Variants in BRSK1 observed in about 807,000 individuals in gnomAD.
The protein encoded by BRSK1 is BR serine/threonine kinase 1, also known as serine/threonine-protein kinase BRSK1.
BRSK1 carries 17 observed loss-of-function variants against 86.2 expected under a neutral mutation model. The observed-to-expected ratio is 0.20, with a 90% CI of 0.14 to 0.30. The LOEUF (loss-of-function observed/expected upper bound fraction) is 0.30. BRSK1 is among the 10% of genes least tolerant of loss of function. The pLI is 1.00. For synonymous variants in BRSK1, 464 were observed against 440.1 expected, an observed-to-expected ratio of 1.05 and a Z score of -0.68; for missense variants, 719 against 1,071.9, an observed-to-expected ratio of 0.67 and a Z score of 4.60.
In BRSK1 at chr19:55,298,209, C is replaced by CTTTTTTTTTTTTTTTTTTT. The variant is rs71181751; in HGVS notation, c.679-3295_679-3277dup. On this transcript the variant is annotated intron_variant, in intron 7 of 18. Coordinates refer to ENST00000309383, the MANE Select transcript of BRSK1 (RefSeq NM_032430.2). ...GTTTATTCTTTTTTTTTTGTTTCTT[C>CTTTTTTTTTTTTTTTTTTT]TTTTTTTTTTTTTTTTTTTTTTTTT... Among the ~76,000 whole-genome samples the CTTTTTTTTTTTTTTTTTTT allele has an allele frequency of 3.6e-4, 25 of 69,640 alleles. 1 individual carries two copies. The highest frequency in any genetic ancestry group is 9.4e-4 in the East Asian group (2 of 2,130). The allele number at this position is 69,640 out of a possible 152,430, so 45.7% of individuals were successfully genotyped here.
At chr19:55,292,467 G>A (rs1307508409) in intron 4 of BRSK1, among the ~76,000 whole-genome samples, 1 of 152,184 alleles carries the variant, frequency 6.6e-6, no homozygotes, top group Non-Finnish European at 1.5e-5. Context: ...CATGGATGAA[G>A]CTGGGCGATG....
At chr19:55,295,649 C>G (rs1226330792) in intron 7 of BRSK1, among the ~76,000 whole-genome samples, 1 of 152,140 alleles carries the variant, frequency 6.6e-6, no homozygotes, top group Admixed American at 6.6e-5. Flanking sequence ...CCAGCTGATT[C>G]TAGGGCATTG....
At position 55,302,230 on chromosome 19, in the gene BRSK1, T is replaced by G. The variant is rs1426653542; in HGVS notation, c.857+62T>G. ...GGAAATAGGGGAGGGGCCAAAGCAG[T>G]AGAAGCGGCTGGGAGGGGTGGGATG... On this transcript the variant is annotated intron_variant, in intron 9 of 18. Coordinates refer to ENST00000309383, the MANE Select transcript of BRSK1 (RefSeq NM_032430.2). The surrounding 1 kb of genome is among the most constrained non-coding windows in gnomAD (Gnocchi z 6.3). The G allele has an allele frequency of 6.9e-6, 11 of 1,592,350 alleles. No homozygotes were observed. Among genetic ancestry groups the G allele is most frequent in the Non-Finnish European group, 9.5e-6 (11 of 1,160,524 alleles).
At chr19:55,293,958 G>C in intron 4 of BRSK1, 59 bp from the exon 5 acceptor site, 1 of 1,471,682 alleles carries the variant, frequency 6.8e-7, no homozygotes, top group Non-Finnish European at 9.3e-7. Flanking sequence ...GAGCCAGTCA[G>C]TGGGGCCTGG....
chr19:55,291,809 AG>A (rs1252413167), intron 4 of BRSK1, among the ~76,000 whole-genome samples: 1 of 152,190 alleles, frequency 6.6e-6, no homozygotes, highest in African/African-American at 2.4e-5. Context: ...CCCATCCTGG[AG>A]TGCAATGGCA....
chr19:55,304,681 C>T lies in BRSK1; in HGVS notation c.1478C>T (p.Pro493Leu), dbSNP rs752984665. 16 of 1,484,156 alleles carry T rather than the reference C, an allele frequency of 1.1e-5. No individual in the cohort carries two copies. Among genetic ancestry groups the T allele is most frequent in the Middle Eastern group, 2.4e-4 (1 of 4,136 alleles). 91.9% of individuals were successfully genotyped at this position (1,484,156 alleles called of 1,614,324 possible). ...PRGGGAGEQP[P>L]PPSARSTPLP... is the part of the protein sequence containing the mutation. ...GGTGGGGGCGCCGGGGAGCAGCCCCCGCCCCCCAGTGCCCGCTCCACACCC... is the reference window on the plus strand; with the variant it reads ...GGTGGGGGCGCCGGGGAGCAGCCCCTGCCCCCCAGTGCCCGCTCCACACCC... The change falls in exon 14 of 19, where the codon CCG becomes CTG. Residue 493 changes from proline (P) to leucine (L), a missense_variant. Transcript: ENST00000309383. The surrounding 1 kb of genome is among the most constrained non-coding windows in gnomAD (Gnocchi z 5.2).
chr19:55,294,314 G>A lies in BRSK1; in HGVS notation c.610-15G>A, dbSNP rs2088453220. 7 of 1,614,166 alleles carry A rather than the reference G, an allele frequency of 4.3e-6. No individual in the cohort carries two copies. The highest frequency in any genetic ancestry group is 4.0e-5 in the African/African-American group (3 of 75,038). On this transcript the variant is annotated splice_polypyrimidine_tract_variant and intron_variant, in intron 6 of 18. Coordinates refer to ENST00000309383, the MANE Select transcript of BRSK1 (RefSeq NM_032430.2). The surrounding 1 kb of genome is among the most constrained non-coding windows in gnomAD (Gnocchi z 4.9). ...AGTGAGGAGCGATGAAGTCACAACT[G>A]GCCTTCCCTTCCAGGGGGAAAAATA...
intron 3 of BRSK1, among the ~76,000 whole-genome samples, chr19:55,289,018 C>T (rs1181624558): frequency 6.6e-6 from 1 of 152,156 alleles, no homozygotes; most frequent in Non-Finnish European, 1.5e-5. Flanking sequence ...TTCCTCACTC[C>T]AGAGGGAATT....
rs765044975 is a variant in BRSK1, at chr19:55,302,191, CTT to C, written c.857+24_857+25del. 2.2e-5 allele frequency: 36 copies of C among 1,613,750 alleles called. No individual in the cohort carries two copies. Among genetic ancestry groups the C allele is most frequent in the African/African-American group, 6.7e-5 (5 of 74,882 alleles). On this transcript the variant is annotated intron_variant, in intron 9 of 18. Transcript: ENST00000309383. This position sits in a 1 kb window ranked among gnomAD's most constrained non-coding sequence, Gnocchi z 6.3. ...CCTGTGAGTATGGGGTAACTGGACT[CTT>C]GGGTCCCTGGCGGAAATAGGGGAGG...
chr19:55,284,457 C>T lies in BRSK1; in HGVS notation c.15C>T (p.Ala5=). The change falls in exon 1 of 19, where the codon GCC becomes GCT. Residue 5 remains alanine (A), a synonymous_variant. Transcript: ENST00000309383. MSSG[A]KEGGGGSPAY... ...CCAAGGGCACCATGTCGTCCGGGGCCAAGGAGGGAGGTGGGGGCTCTCCCG... is the reference window on the plus strand; with the variant it reads ...CCAAGGGCACCATGTCGTCCGGGGCTAAGGAGGGAGGTGGGGGCTCTCCCG... 7.6e-7 allele frequency: 1 copy of T among 1,307,396 alleles called. No individual in the cohort carries two copies. The highest frequency in any genetic ancestry group is 9.9e-7 in the Non-Finnish European group (1 of 1,007,408). The allele number at this position is 1,307,396 out of a possible 1,614,324, so 81.0% of individuals were successfully genotyped here. A position where few individuals can be genotyped will look rare whatever the true frequency, so the allele number is the denominator to read the frequency against.
In BRSK1 at chr19:55,304,067, G is replaced by A; in HGVS notation, c.1304G>A (p.Gly435Glu). 6.2e-7 allele frequency: 1 copy of A among 1,612,300 alleles called. No homozygotes were observed. The highest frequency in any genetic ancestry group is 1.1e-5 in the South Asian group (1 of 90,818). Residue 435 changes from glycine (G) to glutamate (E), a missense_variant, in exon 13 of 19, where the codon GGA (glycine) becomes GAA (glutamate). Transcript: ENST00000309383. This position sits in a 1 kb window ranked among gnomAD's most constrained non-coding sequence, Gnocchi z 5.2. Reference protein sequence around the residue: ...QHSQRSRSVSGASTGLSSSPL... With the variant: ...QHSQRSRSVSEASTGLSSSPL... ...GGAAACAGATCCCGTAGCGTCAGTGGAGCCTCCACGGGTCTGTCCTCCAGC... is the reference window on the plus strand; with the variant it reads ...GGAAACAGATCCCGTAGCGTCAGTGAAGCCTCCACGGGTCTGTCCTCCAGC...
In BRSK1 at chr19:55,309,008, T is replaced by C. The variant is rs536392194; in HGVS notation, c.2179+280T>C. Among the ~76,000 whole-genome samples, 3 of 152,124 alleles carry C rather than the reference T, an allele frequency of 2.0e-5. No individual in the cohort carries two copies. In the East Asian group the frequency reaches 5.8e-4, roughly 29 times the overall value. ...CCTGAGGAGGGTCTCCTTAGCAACCTGAGGACTGGCTCCCAGGAGTCCCTA... is the reference window on the plus strand; with the variant it reads ...CCTGAGGAGGGTCTCCTTAGCAACCCGAGGACTGGCTCCCAGGAGTCCCTA... On this transcript the variant is annotated intron_variant, in intron 18 of 18. Transcript: ENST00000309383.
At chr19:55,301,900 A>G (rs965965780) in intron 8 of BRSK1, among the ~76,000 whole-genome samples, 16 of 152,222 alleles carry the variant, frequency 1.1e-4, no homozygotes, top group Non-Finnish European at 2.1e-4. Context: ...GGAGGCGAAC[A>G]GGATGCCACT....
chr19:55,304,121 GT>G lies in BRSK1; in HGVS notation c.1347+12del, dbSNP rs558634396. ...CTAAGCAGCCCAAGGGTAAGGCCAG[GT>G]CCCCAGTGGGATTTAAGAAGGAGAA... On this transcript the variant is annotated intron_variant, in intron 13 of 18. Coordinates refer to ENST00000309383, the MANE Select transcript of BRSK1 (RefSeq NM_032430.2). The surrounding 1 kb of genome is among the most constrained non-coding windows in gnomAD (Gnocchi z 5.2). 7.8e-5 allele frequency: 126 copies of G among 1,610,610 alleles called. 2 individuals are homozygous for G. The South Asian group carries it at 1.2e-3, about 15-fold the overall frequency.
intron 14 of BRSK1, 103 bp from the exon 15 acceptor site, chr19:55,305,218 C>T (rs918199855): frequency 1.1e-4 from 158 of 1,480,040 alleles, no homozygotes; most frequent in Middle Eastern, 4.7e-4. Flanking sequence ...GAGGCTGCAA[C>T]CCAAGGCTCT....
chr19:55,284,606 G>A, intron 1 of BRSK1, 28 bp downstream of exon 1: 1 of 1,273,194 alleles, frequency 7.9e-7, no homozygotes, highest in South Asian at 3.0e-5. Flanking sequence ...GGACACCTGG[G>A]GCGGGGGGCA....
At position 55,310,295 on chromosome 19, in the gene BRSK1, C is replaced by T. The variant is rs1173510466; in HGVS notation, c.2179+1567C>T. Among the ~76,000 whole-genome samples the T allele has an allele frequency of 2.0e-5, 3 of 152,146 alleles. No individual in the cohort carries two copies. The highest frequency in any genetic ancestry group is 4.4e-5 in the Non-Finnish European group (3 of 68,026). ...GACTGTTTCCTTGTGTGTTCCAGTT[C>T]CTAGGCGCTCTGGTTAAGGCCCGTT... is the stretch of plus-strand genomic sequence containing the variant. On this transcript the variant is annotated intron_variant, in intron 18 of 18. Coordinates refer to ENST00000309383, the MANE Select transcript of BRSK1 (RefSeq NM_032430.2). The surrounding 1 kb of genome is among the most constrained non-coding windows in gnomAD (Gnocchi z 5.0).
At chr19:55,309,378 G>T (rs775349629) in intron 18 of BRSK1, among the ~76,000 whole-genome samples, 3 of 152,228 alleles carry the variant, frequency 2.0e-5, no homozygotes, top group Admixed American at 2.0e-4. Flanking sequence ...GGAGAGCAGA[G>T]GGTTTGTTGC....
chr19:55,306,515 G>A lies in BRSK1; in HGVS notation c.2089+65G>A, dbSNP rs1037416086. 1.1e-4 allele frequency: 166 copies of A among 1,568,128 alleles called. No individual in the cohort carries two copies. The highest frequency in any genetic ancestry group is 5.6e-4 in the Middle Eastern group (3 of 5,372). ...GACTGTTCACGACAGCTGAGACAGT[G>A]TAGGGGCCCAGGAGTGCAGCAGCAG... On this transcript the variant is annotated intron_variant, in intron 17 of 18. Transcript: ENST00000309383. This position sits in a 1 kb window ranked among gnomAD's most constrained non-coding sequence, Gnocchi z 4.7.
Sources: gnomAD v4.1 joint callset for allele counts (sites outside exome capture counted in the v4.1 genomes callset) on GRCh38, gnomAD v4.1.1 for gene constraint, Gnocchi (gnomAD v3.1) non-coding constraint, MANE v1.5 for transcripts, NCBI Gene and HGNC (gene_info 2026-07-23, HGNC 2026-07-21) for gene names.